NTNG1: variants seen among roughly 807,000 people sequenced by gnomAD.
The protein encoded by NTNG1 is netrin G1, also known as netrin-G1.
A neutral mutation model predicts 54.0 loss-of-function variants in NTNG1; 16 were observed. The observed-to-expected ratio is 0.30, with a 90% CI of 0.20 to 0.45. The LOEUF (loss-of-function observed/expected upper bound fraction) is 0.45, where lower values mean the gene tolerates loss of function less well. NTNG1 is among the 20% of genes least tolerant of loss of function. The pLI is 1.00. For synonymous variants in NTNG1, 255 were observed against 263.1 expected (o/e 0.97, Z 0.30); for missense variants, 530 against 678.7 (o/e 0.78, Z 2.43).
At chr1:107,157,032 C>T (rs114798718) in intron 2 of NTNG1, among the ~76,000 whole-genome samples, 4,389 of 152,246 alleles carry the variant, frequency 0.029, 215 homozygotes, top group African/African-American at 0.1. Context: ...TATCCCCACA[C>T]ACGGCCAAAA....
intron 2 of NTNG1, among the ~76,000 whole-genome samples, chr1:107,165,900 CGTTGTGTTCCCTAA>C (rs891858494): frequency 3.3e-5 from 5 of 152,140 alleles, no homozygotes; most frequent in African/African-American, 9.7e-5. Flanking sequence ...GAAGTCCCTA[CGTTGTGTTCCCTAA>C]GTGTTCTCTA....
At chr1:107,141,676 A>G (rs1272940046) in intron 1 of NTNG1, among the ~76,000 whole-genome samples, 1 of 151,824 alleles carries the variant, frequency 6.6e-6, no homozygotes, top group Non-Finnish European at 1.5e-5. Context: ...GCTCACACCC[A>G]CACACAAGTC....
At chr1:107,426,899 T>C (rs1288657173) in intron 5 of NTNG1, among the ~76,000 whole-genome samples, 1 of 152,084 alleles carries the variant, frequency 6.6e-6, no homozygotes, top group African/African-American at 2.4e-5. Context: ...GTTTCATCTC[T>C]TCTGTTAGCT....
chr1:107,140,347 C>T (rs1413985488), upstream of NTNG1: 1 of 152,772 alleles, frequency 6.5e-6, no homozygotes. Context: ...CTCGCGCTCA[C>T]TCTTTAATTG....
chr1:107,345,114 G>A (rs183695938), intron 3 of NTNG1, among the ~76,000 whole-genome samples: 9 of 152,116 alleles, frequency 5.9e-5, no homozygotes, highest in East Asian at 1.9e-4. Context: ...GGATCACGTC[G>A]TCTTGTAGGT....
At chr1:107,149,035 C>A (rs1654355049) in intron 2 of NTNG1, among the ~76,000 whole-genome samples, 196 bp downstream of exon 2, 1 of 151,986 alleles carries the variant, frequency 6.6e-6, no homozygotes, top group Non-Finnish European at 1.5e-5. Flanking sequence ...GTGATTGATG[C>A]CCTGGAAGGA....
In NTNG1 at chr1:107,423,398, A is replaced by G. The variant is rs76023411; in HGVS notation, c.1088-7352A>G. 0.012 allele frequency among the ~76,000 whole-genome samples: 1,773 copies of G among 152,110 alleles called. 88 individuals carry two copies. The East Asian group carries it at 0.17, about 15-fold the overall frequency. The stretch of plus-strand genomic sequence containing the variant: ...GCCCAGGGATGCATCTGAAAAGCCT[A>G]CAATGCACAGGACAGCCCCATACAA... On this transcript the variant is annotated intron_variant, in intron 5 of 7. Coordinates refer to ENST00000370068, the MANE Select transcript of NTNG1 (RefSeq NM_001113226.3).
intron 4 of NTNG1, among the ~76,000 whole-genome samples, chr1:107,407,261 A>G (rs190089109): frequency 6.6e-6 from 1 of 152,290 alleles, no homozygotes; most frequent in African/African-American, 2.4e-5. Flanking sequence ...ATATGTGAAT[A>G]TATTTGCACG....
chr1:107,260,907 C>G (rs529425722), intron 2 of NTNG1: 1 of 152,160 alleles, frequency 6.6e-6, no homozygotes, highest in Non-Finnish European at 1.5e-5. Context: ...ATATTTTACA[C>G]AGAGAAAGGA....
chr1:107,187,254 A>G (rs1657530590), intron 2 of NTNG1, among the ~76,000 whole-genome samples: 1 of 152,066 alleles, frequency 6.6e-6, no homozygotes, highest in South Asian at 2.1e-4. Flanking sequence ...TTTCATTGTT[A>G]TACCCTAGCA....
chr1:107,178,943 G>GTA (rs1245600929), intron 2 of NTNG1, among the ~76,000 whole-genome samples: 1 of 152,144 alleles, frequency 6.6e-6, no homozygotes, highest in Non-Finnish European at 1.5e-5. Flanking sequence ...AGGAGCTGTG[G>GTA]TAGATCAATG....
chr1:107,406,648 C>T (rs1228551617), intron 4 of NTNG1, among the ~76,000 whole-genome samples: 1 of 152,138 alleles, frequency 6.6e-6, no homozygotes, highest in Non-Finnish European at 1.5e-5. Context: ...TAATTAACAG[C>T]ATCTATCATA....
chr1:107,155,918 T>C (rs565627454), intron 2 of NTNG1, among the ~76,000 whole-genome samples: 4 of 152,318 alleles, frequency 2.6e-5, no homozygotes, highest in Admixed American at 1.3e-4. Flanking sequence ...ATACTTAACA[T>C]CATGTTATAG....
intron 3 of NTNG1, chr1:107,330,856 G>A (rs1668233333): frequency 6.6e-6 from 1 of 151,948 alleles, no homozygotes; most frequent in Admixed American, 6.6e-5. Flanking sequence ...AGAATCCTGT[G>A]GAATACTACT....
At chr1:107,453,145 G>A (rs1676724100) in intron 7 of NTNG1, among the ~76,000 whole-genome samples, 2 of 152,196 alleles carry the variant, frequency 1.3e-5, no homozygotes, top group African/African-American at 2.4e-5. Flanking sequence ...CTTTGTTTTA[G>A]TGAAAGAAAG....
At chr1:107,231,118 T>C (rs1217430786) in intron 2 of NTNG1, among the ~76,000 whole-genome samples, 3 of 152,180 alleles carry the variant, frequency 2.0e-5, no homozygotes, top group Non-Finnish European at 4.4e-5. Context: ...CAAACATAAA[T>C]ATCCCTGCCT....
intron 1 of NTNG1, among the ~76,000 whole-genome samples, chr1:107,147,013 T>C (rs1301140179): frequency 6.6e-6 from 1 of 152,066 alleles, no homozygotes; most frequent in Non-Finnish European, 1.5e-5. Context: ...TTTTAGACTA[T>C]AAATATAAGC....
intron 4 of NTNG1, among the ~76,000 whole-genome samples, chr1:107,399,335 T>A (rs993142238): frequency 1.3e-5 from 2 of 152,208 alleles, no homozygotes; most frequent in Non-Finnish European, 2.9e-5. Context: ...CAAGTTCAGC[T>A]GTATTCAATC....
chr1:107,292,585 A>G (rs1665683323), intron 2 of NTNG1, among the ~76,000 whole-genome samples: 1 of 152,300 alleles, frequency 6.6e-6, no homozygotes, highest in Admixed American at 6.5e-5. Flanking sequence ...CTTTCCCAAT[A>G]AGATCTCGGG....
Sources: allele counts gnomAD v4.1 joint callset (sites outside exome capture counted in the v4.1 genomes callset), GRCh38; gene constraint gnomAD v4.1.1; transcripts MANE v1.5; gene names NCBI Gene and HGNC (gene_info 2026-07-23, HGNC 2026-07-21).